MARK3: variants seen among roughly 807,000 people sequenced by gnomAD.
The protein encoded by MARK3 is MAP/microtubule affinity-regulating kinase 3.
Under a neutral mutation model 90.1 loss-of-function variants are expected in MARK3, and 46 were observed. The observed-to-expected ratio is 0.51, with a 90% CI of 0.40 to 0.65. MARK3 has a LOEUF of 0.65. MARK3 is among the 30% of genes least tolerant of loss of function. The pLI, the probability that MARK3 is intolerant of heterozygous loss-of-function variation, is 0.00. For missense variants in MARK3, 818 were observed against 947.2 expected (o/e 0.86, Z 1.79); for synonymous variants, 321 against 332.6 (o/e 0.97, Z 0.38).
chr14:103,405,277 A>G lies in MARK3; in HGVS notation c.243+10A>G. On this transcript the variant is annotated intron_variant, in intron 2 of 17. Transcript: ENST00000429436. ...CCTTACAGGCAGAGAGGTAAATACC[A>G]GTTATGCTTATTTCTGTTATGACAG... The G allele has an allele frequency of 1.3e-6, 2 of 1,503,780 alleles. No homozygotes were observed. Among genetic ancestry groups the G allele is most frequent in the South Asian group, 1.3e-5 (1 of 74,694 alleles). 93.2% of individuals were successfully genotyped at this position (1,503,780 alleles called of 1,614,324 possible).
intron 14 of MARK3, among the ~76,000 whole-genome samples, chr14:103,483,428 A>G (rs2093862930): frequency 6.6e-6 from 1 of 152,238 alleles, no homozygotes; most frequent in Non-Finnish European, 1.5e-5. Flanking sequence ...ACATATCTTA[A>G]GCCCTTACTA....
At chr14:103,392,586 T>A (rs904140719) in intron 1 of MARK3, among the ~76,000 whole-genome samples, 1 of 152,264 alleles carries the variant, frequency 6.6e-6, no homozygotes, top group Admixed American at 6.5e-5. Flanking sequence ...CTAACTAAAC[T>A]ATACTCCTTT....
At chr14:103,415,194 T>C (rs2091892759) in intron 2 of MARK3, among the ~76,000 whole-genome samples, 1 of 137,172 alleles carries the variant, frequency 7.3e-6, no homozygotes, top group Admixed American at 7.2e-5. Context: ...TGAAAAACTA[T>C]ATGTTCGTTG....
At chr14:103,414,757 C>T (rs139322486) in intron 2 of MARK3, among the ~76,000 whole-genome samples, 2 of 152,174 alleles carry the variant, frequency 1.3e-5, no homozygotes, top group African/African-American at 4.8e-5. Context: ...AGAATTATAT[C>T]GTGAAAAGAA....
intron 6 of MARK3, among the ~76,000 whole-genome samples, chr14:103,457,930 G>T (rs185313292): frequency 3.0e-4 from 46 of 152,282 alleles, no homozygotes; most frequent in African/African-American, 1.0e-3. Context: ...GGAGAACGGG[G>T]TCTCGCTGTA....
Position 103,478,548 on chromosome 14 carries a change from CT to C in MARK3, c.1483-1826del, listed in dbSNP as rs755656185. Among the ~76,000 whole-genome samples, 882 of 144,724 alleles carry C rather than the reference CT, an allele frequency of 6.1e-3. 4 individuals carry two copies. The highest frequency in any genetic ancestry group is 9.2e-3 in the Non-Finnish European group (606 of 65,676). The allele number at this position is 144,724 out of a possible 152,430, so 94.9% of individuals were successfully genotyped here. ...ATTTGTAGCATGTATTTTCTTTTCCCTTTTTTTTTTTTTGAGATGGCATTTC... is the reference window on the plus strand; with the variant it reads ...ATTTGTAGCATGTATTTTCTTTTCCCTTTTTTTTTTTTGAGATGGCATTTC... On this transcript the variant is annotated intron_variant, in intron 13 of 17. Transcript: ENST00000429436.
intron 14 of MARK3, among the ~76,000 whole-genome samples, chr14:103,485,018 G>A (rs191780283): frequency 0.011 from 1,503 of 142,450 alleles, 22 homozygotes; most frequent in African/African-American, 0.038. Flanking sequence ...AGGAGTTTGA[G>A]ACCAGCCTGA....
In MARK3 at chr14:103,428,283, G is replaced by GTTGC. The variant is rs199659735; in HGVS notation, c.244-85_244-82dup. 2,034 of 601,176 alleles carry GTTGC rather than the reference G, an allele frequency of 3.4e-3. 25 individuals carry two copies. In the African/African-American group the frequency reaches 0.036, roughly 11 times the overall value. The allele number at this position is 601,176 out of a possible 1,614,324, so 37.2% of individuals were successfully genotyped here. On this transcript the variant is annotated intron_variant, in intron 2 of 17. Coordinates refer to ENST00000429436, the MANE Select transcript of MARK3 (RefSeq NM_001128918.3). ...AGCTGAGTTTTAGGTTTTGTGGTTT[G>GTTGC]TTGCTTGCTTGCTTGCTTGCTTCTT...
intron 2 of MARK3, among the ~76,000 whole-genome samples, chr14:103,425,114 G>A (rs1488266863): frequency 6.6e-6 from 1 of 151,786 alleles, no homozygotes; most frequent in Non-Finnish European, 1.5e-5. Context: ...CTAATTTTTT[G>A]TATTTTTAGT....
intron 14 of MARK3, among the ~76,000 whole-genome samples, chr14:103,485,634 C>G (rs1391113090): frequency 1.3e-5 from 2 of 152,102 alleles, no homozygotes; most frequent in Non-Finnish European, 2.9e-5. Flanking sequence ...AATCAGCAGC[C>G]AATACATTTC....
At chr14:103,446,516 C>T (rs992026180) in intron 3 of MARK3, among the ~76,000 whole-genome samples, 3 of 151,824 alleles carry the variant, frequency 2.0e-5, no homozygotes, top group African/African-American at 7.3e-5. Flanking sequence ...AGTAAGACTC[C>T]GTCTCAAAAA....
chr14:103,395,624 G>A (rs1407992779), intron 1 of MARK3, among the ~76,000 whole-genome samples: 1 of 152,176 alleles, frequency 6.6e-6, no homozygotes, highest in Non-Finnish European at 1.5e-5. Flanking sequence ...CATTGCAGCA[G>A]TTCCTCCAGT....
At chr14:103,470,453 C>CTTTTTTTTTTTTTTTTTTTTT (rs1555396272) in intron 12 of MARK3, among the ~76,000 whole-genome samples, 26 of 24,200 alleles carry the variant, frequency 1.1e-3, no homozygotes, top group South Asian at 3.3e-3. Context: ...GGAACTAAAT[C>CTTTTTTTTTTTTTTTTTTTTT]TATTTTTTTT....
intron 15 of MARK3, among the ~76,000 whole-genome samples, chr14:103,493,720 C>T (rs969542312): frequency 6.6e-6 from 1 of 151,260 alleles, no homozygotes; most frequent in African/African-American, 2.4e-5. Flanking sequence ...ACTAAAAATA[C>T]AAAAATTAGC....
intron 1 of MARK3, among the ~76,000 whole-genome samples, chr14:103,398,201 T>C (rs886262519): frequency 2.6e-5 from 4 of 152,204 alleles, no homozygotes; most frequent in African/African-American, 7.2e-5. Context: ...TATGGAGCAA[T>C]GTAAGAGTTT....
chr14:103,405,264 A>T lies in MARK3; in HGVS notation c.240A>T (p.Arg80Ser). ...TGGCAAGACATATCCTTACAGGCAG[A>T]GAGGTAAATACCAGTTATGCTTATT... ...VKLARHILTG[R>S]EVAIKIIDKT... The change falls in exon 2 of 18, where the codon AGA becomes AGT. Residue 80 changes from arginine to serine, a missense_variant. Transcript: ENST00000429436. 6.5e-7 allele frequency: 1 copy of T among 1,528,744 alleles called. No individual in the cohort carries two copies. Among genetic ancestry groups the T allele is most frequent in the Non-Finnish European group, 8.8e-7 (1 of 1,140,808 alleles). The allele number at this position is 1,528,744 out of a possible 1,614,324, so 94.7% of individuals were successfully genotyped here. A position where few individuals can be genotyped will look rare whatever the true frequency, so the allele number is the denominator to read the frequency against.
intron 1 of MARK3, among the ~76,000 whole-genome samples, chr14:103,400,943 T>TTGTGTG (rs61635275): frequency 0.14 from 17,370 of 123,276 alleles, 1,400 homozygotes; most frequent in South Asian, 0.25. Context: ...ATATAACATT[T>TTGTGTG]TGTGTGTGTG....
chr14:103,434,571 G>A (rs78236130), intron 3 of MARK3, among the ~76,000 whole-genome samples: 18 of 152,260 alleles, frequency 1.2e-4, no homozygotes, highest in African/African-American at 3.8e-4. Context: ...GTCCTGGTTC[G>A]CAGTTTGAAT....
At chr14:103,430,196 T>C (rs2092539339) in intron 3 of MARK3, among the ~76,000 whole-genome samples, 2 of 152,198 alleles carry the variant, frequency 1.3e-5, no homozygotes, top group Non-Finnish European at 1.5e-5. Context: ...TGAAGACTTA[T>C]TCTAAAGCCA....
Sources: allele counts gnomAD v4.1 joint callset (sites outside exome capture counted in the v4.1 genomes callset), GRCh38; gene constraint gnomAD v4.1.1; transcripts MANE v1.5; gene names NCBI Gene and HGNC (gene_info 2026-07-23, HGNC 2026-07-21).